TRIP12: variants seen among roughly 807,000 people sequenced by gnomAD.
TRIP12 encodes the protein thyroid hormone receptor interactor 12.
A neutral mutation model predicts 244.2 loss-of-function variants in TRIP12; 25 were observed. The observed-to-expected ratio is 0.10, with a 90% CI of 0.07 to 0.14. The LOEUF (loss-of-function observed/expected upper bound fraction) is 0.14, where lower values mean the gene tolerates loss of function less well. Among genes scored for constraint, TRIP12 ranks in the 10% least tolerant of loss-of-function variants. The probability of loss-of-function intolerance (pLI) is 1.00; values close to 1 mark genes in which losing one functional copy is unlikely to be tolerated. For synonymous variants in TRIP12, 905 were observed against 873.1 expected (o/e 1.04, Z -0.64); for missense variants, 1,677 against 2,486.4 (o/e 0.67, Z 6.92).
At chr2:229,813,681 A>G (rs1169746870) in intron 13 of TRIP12, among the ~76,000 whole-genome samples, 189 bp downstream of exon 13, 5 of 152,026 alleles carry the variant, frequency 3.3e-5, no homozygotes, top group African/African-American at 1.2e-4. Context: ...CTACTCGGGA[A>G]GCTGAGGCAG....
At chr2:229,899,802 G>T (rs2154368670) in intron 1 of TRIP12, among the ~76,000 whole-genome samples, 1 of 152,280 alleles carries the variant, frequency 6.6e-6, no homozygotes, top group African/African-American at 2.4e-5. Flanking sequence ...CTTCAGAAAG[G>T]TCTAGGGGCA....
chr2:229,898,972 G>C (rs1310168810), intron 1 of TRIP12, among the ~76,000 whole-genome samples: 3 of 152,174 alleles, frequency 2.0e-5, no homozygotes. Flanking sequence ...CAAAGCATGA[G>C]CCACTGTGCT....
Position 229,767,545 on chromosome 2 carries a change from T to C in TRIP12, c.*9A>G. ...CTGTAACAGGCAGACACTGCATTTC[T>C]TGCTATGATCAGGAAAGATGGAACG... On this transcript the variant is annotated 3_prime_UTR_variant, in exon 42 of 42. Coordinates refer to ENST00000675903, the MANE Select transcript of TRIP12 (RefSeq NM_001348323.3). 6.3e-7 allele frequency: 1 copy of C among 1,593,084 alleles called. No individual in the cohort carries two copies. Among genetic ancestry groups the C allele is most frequent in the Non-Finnish European group, 8.6e-7 (1 of 1,169,328 alleles).
upstream of TRIP12, chr2:229,922,731 T>C (rs374860333): frequency 7.2e-6 from 7 of 966,636 alleles, no homozygotes; most frequent in African/African-American, 1.0e-4. Flanking sequence ...CAGTCCCGGC[T>C]CCGCGCCGGG....
chr2:229,810,858 A>G, intron 15 of TRIP12, 22 bp downstream of exon 15: 1 of 1,611,532 alleles, frequency 6.2e-7, no homozygotes, highest in Non-Finnish European at 8.5e-7. Flanking sequence ...TGCTTAAAGT[A>G]GAACAGTAAA....
At position 229,781,894 on chromosome 2, in the gene TRIP12, C is replaced by T. The variant is rs547032338; in HGVS notation, c.5095-2904G>A. ...CAGCTCCTGGAATCTTTTCCGAGGT[C>T]AACAGGTAAGACCCATGAAGGAAGG... On this transcript the variant is annotated intron_variant, in intron 34 of 41. Transcript: ENST00000675903. Among the ~76,000 whole-genome samples, 23 of 152,226 alleles carry T rather than the reference C, an allele frequency of 1.5e-4. No individual in the cohort carries two copies. The South Asian group carries it at 3.9e-3, about 26-fold the overall frequency.
intron 30 of TRIP12, among the ~76,000 whole-genome samples, chr2:229,790,233 T>G (rs1404296546): frequency 6.6e-6 from 1 of 152,198 alleles, no homozygotes; most frequent in Non-Finnish European, 1.5e-5. Flanking sequence ...GGTTTTCAAG[T>G]AAGGGTCTGC....
intron 11 of TRIP12, among the ~76,000 whole-genome samples, 183 bp downstream of exon 11, chr2:229,814,916 T>C (rs1455248411): frequency 1.3e-5 from 2 of 152,220 alleles, no homozygotes; most frequent in East Asian, 1.9e-4. Context: ...TACTAAAAAT[T>C]ACAAAACTAG....
At chr2:229,845,684 C>T (rs1174498429) in intron 4 of TRIP12, among the ~76,000 whole-genome samples, 1 of 151,962 alleles carries the variant, frequency 6.6e-6, no homozygotes, top group Non-Finnish European at 1.5e-5. Context: ...TGCTACAAGT[C>T]ATTTACATTT....
intron 23 of TRIP12, among the ~76,000 whole-genome samples, chr2:229,798,382 T>C (rs892255767): frequency 2.6e-5 from 4 of 152,022 alleles, no homozygotes; most frequent in Non-Finnish European, 5.9e-5. Context: ...TTTGGTCTTT[T>C]AAAATTTCTT....
At chr2:229,819,080 AC>A (rs1559621025) in intron 8 of TRIP12, among the ~76,000 whole-genome samples, 39 of 145,370 alleles carry the variant, frequency 2.7e-4, no homozygotes, top group African/African-American at 9.5e-4. Context: ...ACACACACAC[AC>A]ACACAATTAT....
At chr2:229,793,516 T>G (rs1417835627) in intron 26 of TRIP12, 1 of 154,922 alleles carries the variant, frequency 6.5e-6, no homozygotes, top group African/African-American at 2.4e-5. Context: ...CCATTCCTAT[T>G]GAATTATATT....
chr2:229,891,988 AG>A (rs1431506429), intron 1 of TRIP12, among the ~76,000 whole-genome samples: 1 of 152,232 alleles, frequency 6.6e-6, no homozygotes, highest in African/African-American at 2.4e-5. Context: ...TCAAAAGCAA[AG>A]GGGTAAATCT....
chr2:229,835,439 A>T (rs1453542208), intron 6 of TRIP12, among the ~76,000 whole-genome samples: 1 of 152,204 alleles, frequency 6.6e-6, no homozygotes, highest in East Asian at 1.9e-4. Context: ...ATATTCGTAT[A>T]AATTATATAA....
intron 1 of TRIP12, among the ~76,000 whole-genome samples, chr2:229,903,319 AC>A (rs935583336): frequency 1.2e-4 from 18 of 151,570 alleles, no homozygotes; most frequent in African/African-American, 4.4e-4. Flanking sequence ...GGAAAAACAA[AC>A]CCCAATCTGT....
chr2:229,893,551 A>G (rs558887623), intron 1 of TRIP12, among the ~76,000 whole-genome samples: 55 of 151,864 alleles, frequency 3.6e-4, no homozygotes, highest in Non-Finnish European at 7.4e-4. Context: ...GTGGAAACAT[A>G]GTATGTACTC....
At chr2:229,791,032 T>G in intron 30 of TRIP12, 92 bp downstream of exon 30, 5 of 1,505,924 alleles carry the variant, frequency 3.3e-6, no homozygotes, top group African/African-American at 1.4e-5. Context: ...TTCAAAAATT[T>G]TACTACTAAA....
intron 1 of TRIP12, among the ~76,000 whole-genome samples, chr2:229,895,087 A>G (rs1463085981): frequency 6.6e-6 from 1 of 152,260 alleles, no homozygotes; most frequent in Non-Finnish European, 1.5e-5. Context: ...TAGGAGAATT[A>G]TCAGATCTTA....
At chr2:229,822,450 A>G (rs186448758) in intron 8 of TRIP12, among the ~76,000 whole-genome samples, 13 of 152,360 alleles carry the variant, frequency 8.5e-5, no homozygotes, top group African/African-American at 3.1e-4. Flanking sequence ...CACAACAAAG[A>G]AAACAGTGAC....
Sources: gnomAD v4.1 joint callset for allele counts (sites outside exome capture counted in the v4.1 genomes callset) on GRCh38, gnomAD v4.1.1 for gene constraint, MANE v1.5 for transcripts, NCBI Gene and HGNC (gene_info 2026-07-23, HGNC 2026-07-21) for gene names.